The following ZNF215 variants were observed in gnomAD, a reference collection of about 807,000 sequenced individuals.
ZNF215 encodes zinc finger protein 215.
ZNF215 carries 24 observed loss-of-function variants against 27.2 expected under a neutral mutation model. The observed-to-expected ratio is 0.88, with a 90% CI of 0.64 to 1.24. The LOEUF (loss-of-function observed/expected upper bound fraction) is 1.24, where lower values mean the gene tolerates loss of function less well. Ranked by LOEUF, ZNF215 falls within the 50% of genes most tolerant of loss-of-function variation. The pLI is 0.00. For synonymous variants in ZNF215, 210 were observed against 204.0 expected (o/e 1.03, Z -0.25); for missense variants, 675 against 605.7 (o/e 1.11, Z -1.20).
chr11:6,956,845 C>T lies in ZNF215; in HGVS notation c.*314C>T. On this transcript the variant is annotated 3_prime_UTR_variant, in exon 7 of 7. Coordinates refer to ENST00000278319, the MANE Select transcript of ZNF215 (RefSeq NM_013250.4). ...CCCTAGTTCATAAATAGGTCTATAG[C>T]ATACTAATATCCACCTGATTTATTG... is the stretch of plus-strand genomic sequence containing the variant. The T allele has an allele frequency of 9.5e-7, 1 of 1,052,690 alleles. No individual in the cohort carries two copies. Among genetic ancestry groups the T allele is most frequent in the South Asian group, 4.0e-5 (1 of 25,116 alleles). 65.2% of individuals were successfully genotyped at this position (1,052,690 alleles called of 1,614,324 possible). A position where few individuals can be genotyped will look rare whatever the true frequency, so the allele number is the denominator to read the frequency against.
At chr11:6,983,195 A>G (rs192287314) in intron 5 of ZNF215, among the ~76,000 whole-genome samples, 1 of 152,354 alleles carries the variant, frequency 6.6e-6, no homozygotes, top group African/African-American at 2.4e-5. Flanking sequence ...ACACCCTCCC[A>G]AGACTAAATC....
At chr11:6,958,578 C>T (rs551870743), downstream of ZNF215, among the ~76,000 whole-genome samples, 1 of 152,210 alleles carries the variant, frequency 6.6e-6, no homozygotes, top group African/African-American at 2.4e-5. Context: ...ATTGTATTAG[C>T]GTTCTCTAGA....
chr11:6,958,900 C>G, downstream of ZNF215, among the ~76,000 whole-genome samples: 1 of 152,118 alleles, frequency 6.6e-6, no homozygotes, highest in Admixed American at 6.6e-5. Flanking sequence ...CTAGTCGTTC[C>G]AATTTCTCCT....
At chr11:6,965,744 T>C (rs1298421212) in intron 5 of ZNF215, among the ~76,000 whole-genome samples, 2 of 152,326 alleles carry the variant, frequency 1.3e-5, no homozygotes, top group East Asian at 3.9e-4. Context: ...TCATATTGAC[T>C]TAGCTTCCTA....
intron 5 of ZNF215, among the ~76,000 whole-genome samples, chr11:6,971,928 T>A (rs1487846434): frequency 1.3e-5 from 2 of 152,168 alleles, no homozygotes; most frequent in African/African-American, 4.8e-5. Context: ...ACTTACAGAA[T>A]AGCTAACAAA....
chr11:6,974,944 TGA>T (rs202233798), intron 5 of ZNF215, among the ~76,000 whole-genome samples: 32,731 of 151,246 alleles, frequency 0.22, 3,275 homozygotes, highest in Non-Finnish European at 0.24. Context: ...ATAGGAGTGG[TGA>T]GAGAGGGCAT....
chr11:6,967,147 T>C (rs1362198786), intron 5 of ZNF215, among the ~76,000 whole-genome samples: 1 of 152,186 alleles, frequency 6.6e-6, no homozygotes, highest in African/African-American at 2.4e-5. Flanking sequence ...AACTCATCCT[T>C]TTTTATGGCT....
intron 5 of ZNF215, among the ~76,000 whole-genome samples, chr11:6,977,719 T>G (rs1850860063): frequency 6.6e-6 from 1 of 151,962 alleles, no homozygotes; most frequent in African/African-American, 2.4e-5. Flanking sequence ...GCTTCCACAA[T>G]TGTGAGGAAA....
intron 5 of ZNF215, among the ~76,000 whole-genome samples, chr11:6,968,539 T>G (rs1372311839): frequency 6.6e-6 from 1 of 151,366 alleles, no homozygotes; most frequent in African/African-American, 2.4e-5. Flanking sequence ...TTTTTTTTTT[T>G]GAACAGGCAC....
At chr11:6,945,368 C>T (rs1849782101) in intron 6 of ZNF215, among the ~76,000 whole-genome samples, 1 of 152,086 alleles carries the variant, frequency 6.6e-6, no homozygotes, top group Non-Finnish European at 1.5e-5. Flanking sequence ...AGTTTTCATT[C>T]AACCCTACAT....
chr11:6,946,956 G>A (rs1392109720), intron 6 of ZNF215, among the ~76,000 whole-genome samples: 1 of 152,214 alleles, frequency 6.6e-6, no homozygotes, highest in East Asian at 1.9e-4. Context: ...GATTAAAACT[G>A]TAGGGGTTTT....
At chr11:6,986,072 A>G, downstream of ZNF215, among the ~76,000 whole-genome samples, 1 of 152,152 alleles carries the variant, frequency 6.6e-6, no homozygotes, top group East Asian at 1.9e-4. Context: ...ATCCAAAGCA[A>G]TCCTAAGTAA....
intron 5 of ZNF215, among the ~76,000 whole-genome samples, chr11:6,967,386 C>A (rs958379155): frequency 1.1e-4 from 16 of 152,234 alleles, no homozygotes; most frequent in African/African-American, 3.9e-4. Flanking sequence ...TCCACACTGT[C>A]TTCCACAATG....
chr11:6,955,458 C>A (rs2239732), intron 6 of ZNF215, among the ~76,000 whole-genome samples: 7 of 152,002 alleles, frequency 4.6e-5, no homozygotes, highest in African/African-American at 7.2e-5. Flanking sequence ...TACTCGAGCC[C>A]TATACCGTTT....
In ZNF215 at chr11:6,957,118, T is replaced by C. The variant is rs559343728; in HGVS notation, c.*587T>C. ...GTTGGGAAAGGGTTATCAACTGCAATGGGAGAAGTATGTATTGCTGTTAAT... is the reference window on the plus strand; with the variant it reads ...GTTGGGAAAGGGTTATCAACTGCAACGGGAGAAGTATGTATTGCTGTTAAT... On this transcript the variant is annotated 3_prime_UTR_variant, in exon 7 of 7. Coordinates refer to ENST00000278319, the MANE Select transcript of ZNF215 (RefSeq NM_013250.4). The C allele has an allele frequency of 1.1e-5, 11 of 985,460 alleles. No homozygotes were observed. Among genetic ancestry groups the C allele is most frequent in the African/African-American group, 7.0e-5 (4 of 57,374 alleles). 61.0% of individuals were successfully genotyped at this position (985,460 alleles called of 1,614,324 possible).
At chr11:6,975,271 G>T (rs1011015359) in intron 5 of ZNF215, among the ~76,000 whole-genome samples, 1 of 151,810 alleles carries the variant, frequency 6.6e-6, no homozygotes, top group African/African-American at 2.4e-5. Flanking sequence ...TGGGTACATA[G>T]TAGGTGTATA....
At chr11:6,931,058 G>A (rs1433561716) in intron 2 of ZNF215, among the ~76,000 whole-genome samples, 1 of 152,194 alleles carries the variant, frequency 6.6e-6, no homozygotes, top group Non-Finnish European at 1.5e-5. Flanking sequence ...AGTCAAAACT[G>A]TTTCTAAACA....
Position 6,955,749 on chromosome 11 carries a change from G to C in ZNF215, c.772G>C (p.Glu258Gln). ...SHGVIMTRLT[E>Q]SGHPSSDAWK... ...TGGAGTGATTATGACAAGGCTTACC[G>C]AAAGTGGACACCCTTCTTCAGATGC... Residue 258 changes from glutamate (E) to glutamine (Q), a missense_variant, in exon 7 of 7, where the codon GAA (glutamate) becomes CAA (glutamine). Transcript: ENST00000278319. 1.2e-6 allele frequency: 2 copies of C among 1,606,012 alleles called. No individual in the cohort carries two copies.
intron 3 of ZNF215, among the ~76,000 whole-genome samples, chr11:6,938,778 C>T (rs1849529024): frequency 6.6e-6 from 1 of 152,036 alleles, no homozygotes; most frequent in South Asian, 2.1e-4. Flanking sequence ...GGGGCTCTTT[C>T]TTGGTAATGA....
Sources: allele counts gnomAD v4.1 joint callset (sites outside exome capture counted in the v4.1 genomes callset), GRCh38; gene constraint gnomAD v4.1.1; transcripts MANE v1.5; gene names NCBI Gene and HGNC (gene_info 2026-07-23, HGNC 2026-07-21).